The following DAB1 variants were observed in gnomAD, a reference collection of about 807,000 sequenced individuals.
DAB1 encodes DAB adaptor protein 1.
In DAB1, 15 loss-of-function variants were observed where a neutral mutation model predicts 64.6. That is an observed-to-expected ratio of 0.23 (90% CI 0.16 to 0.36). The LOEUF is 0.36. Ranked by LOEUF, DAB1 falls within the 10% of genes least tolerant of loss-of-function variation. The pLI is 1.00. For synonymous variants in DAB1, 235 were observed against 251.9 expected, an observed-to-expected ratio of 0.93 and a Z score of 0.64; for missense variants, 596 against 706.7, an observed-to-expected ratio of 0.84 and a Z score of 1.78.
At chr1:57,030,457 T>C (rs939732680) in intron 9 of DAB1, among the ~76,000 whole-genome samples, 4 of 152,050 alleles carry the variant, frequency 2.6e-5, no homozygotes, top group African/African-American at 9.7e-5. Context: ...GAGGAGACCA[T>C]CCAGGCAGAG....
At chr1:58,093,259 T>C (rs1650783057) in intron 5 of DAB1, among the ~76,000 whole-genome samples, 1 of 152,188 alleles carries the variant, frequency 6.6e-6, no homozygotes, top group Non-Finnish European at 1.5e-5. Context: ...CAGCTGAGTA[T>C]GCAATCGGGA....
At chr1:57,221,232 C>T (rs547617418) in intron 2 of DAB1, among the ~76,000 whole-genome samples, 92 of 150,036 alleles carry the variant, frequency 6.1e-4, no homozygotes, top group Admixed American at 1.4e-3. Flanking sequence ...GAACATCACA[C>T]ACTGGGGCCT....
At chr1:58,031,113 A>C (rs993917425) in intron 5 of DAB1, among the ~76,000 whole-genome samples, 10 of 152,174 alleles carry the variant, frequency 6.6e-5, no homozygotes, top group African/African-American at 1.9e-4. Context: ...AAGTGGAGAG[A>C]AGGTATCACA....
At chr1:57,526,944 C>T (rs999425024) in intron 7 of DAB1, among the ~76,000 whole-genome samples, 5 of 152,112 alleles carry the variant, frequency 3.3e-5, no homozygotes, top group African/African-American at 1.2e-4. Context: ...ATGATACTCT[C>T]AAGGCATGGT....
chr1:57,949,503 CTATCTATA>C (rs1316457828), intron 5 of DAB1, among the ~76,000 whole-genome samples: 20 of 147,216 alleles, frequency 1.4e-4, no homozygotes, highest in Admixed American at 1.3e-3. Flanking sequence ...ATCTATCTAT[CTATCTATA>C]TCTGTCTGTC....
intron 4 of DAB1, among the ~76,000 whole-genome samples, chr1:58,319,326 T>G (rs577037491): frequency 1.3e-5 from 2 of 152,374 alleles, no homozygotes; most frequent in East Asian, 3.9e-4. Context: ...TTCTGCTTCC[T>G]ATTTCATTTT....
intron 7 of DAB1, among the ~76,000 whole-genome samples, chr1:57,531,491 C>G (rs554571362): frequency 1.1e-4 from 16 of 152,092 alleles, no homozygotes; most frequent in Non-Finnish European, 1.6e-4. Flanking sequence ...ACAACCAGGA[C>G]TAGGCAAAAC....
At chr1:58,373,220 G>A (rs971859503) in intron 3 of DAB1, among the ~76,000 whole-genome samples, 1 of 136,334 alleles carries the variant, frequency 7.3e-6, no homozygotes, top group African/African-American at 2.7e-5. Context: ...TGTGCACATT[G>A]TGCAGGTCAG....
chr1:57,613,110 T>C (rs1314259503), intron 7 of DAB1, among the ~76,000 whole-genome samples: 1 of 152,236 alleles, frequency 6.6e-6, no homozygotes, highest in African/African-American at 2.4e-5. Flanking sequence ...CATAGTTAAA[T>C]ATGCTTCATA....
chr1:57,312,162 C>T (rs764100529), intron 1 of DAB1, among the ~76,000 whole-genome samples: 1 of 152,218 alleles, frequency 6.6e-6, no homozygotes, highest in Non-Finnish European at 1.5e-5. Flanking sequence ...ACGACCCCAG[C>T]CCTTAACTTG....
intron 1 of DAB1, among the ~76,000 whole-genome samples, chr1:57,372,937 G>A (rs1449608615): frequency 6.6e-6 from 1 of 152,030 alleles, no homozygotes; most frequent in Non-Finnish European, 1.5e-5. Flanking sequence ...AGCACTTTGG[G>A]AGGCCGAGGT....
rs1662416855 is a variant in DAB1, at chr1:58,310,936, A to G, written n.309+32416T>C. Among the ~76,000 whole-genome samples the G allele has an allele frequency of 2.6e-5, 4 of 152,268 alleles. No individual in the cohort carries two copies. The South Asian group carries it at 8.3e-4, about 32-fold the overall frequency. ...AGGTGCCCTTCATCTAGCAGAGATG[A>G]CAGGTGAAAAACACTCCCTCTTTGA... On this transcript the variant is annotated intron_variant and non_coding_transcript_variant, in intron 4 of 20. Transcript: ENST00000485760.
At chr1:58,533,211 A>G (rs2100479907) in intron 1 of DAB1, among the ~76,000 whole-genome samples, 1 of 152,346 alleles carries the variant, frequency 6.6e-6, no homozygotes, top group African/African-American at 2.4e-5. Context: ...GCATACATCA[A>G]CTTGAATTCT....
chr1:57,659,188 C>A (rs578106744), intron 6 of DAB1, among the ~76,000 whole-genome samples: 2 of 152,246 alleles, frequency 1.3e-5, no homozygotes, highest in East Asian at 1.9e-4. Flanking sequence ...GGGCAGAAAG[C>A]GGATCTGCTG....
At chr1:58,190,967 T>C (rs896413256) in intron 4 of DAB1, among the ~76,000 whole-genome samples, 1 of 152,132 alleles carries the variant, frequency 6.6e-6, no homozygotes, top group Non-Finnish European at 1.5e-5. Flanking sequence ...CAGGCCCCAA[T>C]GGGCTCTCAC....
At chr1:58,092,508 C>G (rs1030944439) in intron 5 of DAB1, among the ~76,000 whole-genome samples, 7 of 152,084 alleles carry the variant, frequency 4.6e-5, no homozygotes, top group Non-Finnish European at 1.0e-4. Flanking sequence ...TCTCCTTGCC[C>G]ATCTCTTTTT....
intron 2 of DAB1, among the ~76,000 whole-genome samples, chr1:57,230,600 CA>C (rs1667602196): frequency 6.6e-6 from 1 of 152,034 alleles, no homozygotes; most frequent in Non-Finnish European, 1.5e-5. Context: ...CGGTTCATGT[CA>C]CAACTTTGTG....
intron 5 of DAB1, among the ~76,000 whole-genome samples, chr1:58,057,196 A>G (rs1432657906): frequency 6.6e-6 from 1 of 152,006 alleles, no homozygotes; most frequent in Non-Finnish European, 1.5e-5. Flanking sequence ...AGTGCTCAAG[A>G]ATGTTTATTT....
chr1:57,650,794 C>G (rs1417302314), intron 6 of DAB1, among the ~76,000 whole-genome samples: 1 of 152,162 alleles, frequency 6.6e-6, no homozygotes, highest in Non-Finnish European at 1.5e-5. Flanking sequence ...TATTCCCCAG[C>G]AATACCTCCA....
Sources: allele counts gnomAD v4.1 joint callset (sites outside exome capture counted in the v4.1 genomes callset), GRCh38; gene constraint gnomAD v4.1.1; transcripts MANE v1.5; gene names NCBI Gene and HGNC (gene_info 2026-07-23, HGNC 2026-07-21).